ATP8A1: variants seen among roughly 807,000 people sequenced by gnomAD.
ATP8A1 encodes the protein phospholipid-transporting ATPase IA.
ATP8A1 carries 90 observed loss-of-function variants against 177.7 expected under a neutral mutation model. That is an observed-to-expected ratio of 0.51 (90% CI 0.43 to 0.60). The LOEUF (loss-of-function observed/expected upper bound fraction) is 0.60. Ranked by LOEUF, ATP8A1 falls within the 20% of genes least tolerant of loss-of-function variation. The pLI is 0.00. For missense variants in ATP8A1, 1,072 were observed against 1,392.8 expected (o/e 0.77, Z 3.67); for synonymous variants, 493 against 485.9 (o/e 1.01, Z -0.19).
intron 5 of ATP8A1, among the ~76,000 whole-genome samples, chr4:42,613,509 ATAG>A (rs1431544812): frequency 6.6e-6 from 1 of 152,238 alleles, no homozygotes; most frequent in Non-Finnish European, 1.5e-5. Context: ...TACAATTTAA[ATAG>A]TAAATATGTA....
At chr4:42,648,349 A>C (rs1219042908) in intron 1 of ATP8A1, among the ~76,000 whole-genome samples, 2 of 148,550 alleles carry the variant, frequency 1.3e-5, no homozygotes, top group African/African-American at 2.4e-5. Context: ...ACCAAAATAA[A>C]GAGAGGTGGC....
chr4:42,438,327 T>C (rs1043707175), intron 33 of ATP8A1, among the ~76,000 whole-genome samples: 1 of 152,216 alleles, frequency 6.6e-6, no homozygotes, highest in Non-Finnish European at 1.5e-5. Context: ...GAAAAGTGCC[T>C]CTAACAGTGA....
chr4:42,492,912 T>C (rs1722870355), intron 24 of ATP8A1, among the ~76,000 whole-genome samples: 2 of 152,118 alleles, frequency 1.3e-5, no homozygotes, highest in African/African-American at 4.8e-5. Flanking sequence ...TTCCCTTCCT[T>C]AGAAAGGAAA....
chr4:42,410,749 A>T lies in ATP8A1; in HGVS notation c.*2167T>A, dbSNP rs1712501000. 6.6e-6 allele frequency: 1 copy of T among 152,202 alleles called. No homozygotes were observed. The highest frequency in any genetic ancestry group is 1.5e-5 in the Non-Finnish European group (1 of 68,034). 9.4% of individuals were successfully genotyped at this position (152,202 alleles called of 1,614,324 possible). A position where few individuals can be genotyped will look rare whatever the true frequency, so the allele number is the denominator to read the frequency against. ...TTTAAGAGCTCCACAGAAACAATCC[A>T]CGTTTCAAGATTAAAATAAAACTTA... On this transcript the variant is annotated 3_prime_UTR_variant, in exon 37 of 37. Coordinates refer to ENST00000381668, the MANE Select transcript of ATP8A1 (RefSeq NM_006095.2).
rs1224939321 is a variant in ATP8A1, at chr4:42,455,264, C to G, written c.2817+33G>C. 8 of 1,610,706 alleles carry G rather than the reference C, an allele frequency of 5.0e-6. No individual in the cohort carries two copies. In the African/African-American group the frequency reaches 5.3e-5, roughly 11 times the overall value. On this transcript the variant is annotated intron_variant, in intron 29 of 36. Transcript: ENST00000381668. ...ATGAGGGCAGTAAACACAGACCCAC[C>G]AAACATGTCCCAGCCAGGGCACTGT...
chr4:42,594,373 A>G, intron 6 of ATP8A1: 1 of 1,486,840 alleles, frequency 6.7e-7, no homozygotes, highest in Non-Finnish European at 9.4e-7. Context: ...CTGAAAGAAA[A>G]CTGGGAATTG....
At chr4:42,563,802 A>T (rs1478220406) in intron 15 of ATP8A1, among the ~76,000 whole-genome samples, 1 of 152,214 alleles carries the variant, frequency 6.6e-6, no homozygotes, top group Non-Finnish European at 1.5e-5. Context: ...GAAATCAAGA[A>T]TTGAGGTTTG....
intron 7 of ATP8A1, among the ~76,000 whole-genome samples, chr4:42,589,797 C>T (rs1436923285): frequency 6.6e-6 from 1 of 151,494 alleles, no homozygotes; most frequent in Non-Finnish European, 1.5e-5. Flanking sequence ...AAAGAAAATA[C>T]TAAATGACAA....
chr4:42,650,258 A>G (rs1223559791), intron 1 of ATP8A1, among the ~76,000 whole-genome samples: 6 of 152,238 alleles, frequency 3.9e-5, no homozygotes, highest in Admixed American at 3.9e-4. Context: ...AATTACACTA[A>G]GTAAAATGAC....
At chr4:42,603,610 G>A (rs563567973) in intron 5 of ATP8A1, among the ~76,000 whole-genome samples, 19 of 152,118 alleles carry the variant, frequency 1.2e-4, no homozygotes, top group Admixed American at 8.5e-4. Context: ...ACAGAAAAAT[G>A]CCTTTGAAAC....
intron 1 of ATP8A1, among the ~76,000 whole-genome samples, chr4:42,641,499 T>C (rs1739990313): frequency 6.9e-6 from 1 of 144,258 alleles, no homozygotes; most frequent in Non-Finnish European, 1.6e-5. Flanking sequence ...TCCTTTTAAA[T>C]TTCTTTTTTT....
intron 22 of ATP8A1, among the ~76,000 whole-genome samples, chr4:42,521,558 T>C (rs930593091): frequency 6.6e-6 from 1 of 152,220 alleles, no homozygotes; most frequent in South Asian, 2.1e-4. Context: ...ATAGCCTTGG[T>C]TTCTTTATCT....
intron 6 of ATP8A1, 76 bp from the exon 7 acceptor site, chr4:42,590,960 CA>C (rs1249958224): frequency 1.6e-6 from 2 of 1,282,564 alleles, no homozygotes; most frequent in African/African-American, 1.5e-5. Context: ...AACAAATGGA[CA>C]AAAGAGACAG....
chr4:42,523,211 G>C lies in ATP8A1; in HGVS notation c.1808-912C>G, dbSNP rs560817537. ...CCTGTGTCTGGTGCCTGCCAATTTC[G>C]TAACTCACATCTCTCTCAGCCAGAA... On this transcript the variant is annotated intron_variant, in intron 21 of 36. Transcript: ENST00000381668. Among the ~76,000 whole-genome samples the C allele has an allele frequency of 2.6e-5, 4 of 152,268 alleles. No homozygotes were observed. The East Asian group carries it at 7.7e-4, about 29-fold the overall frequency.
intron 1 of ATP8A1, among the ~76,000 whole-genome samples, chr4:42,642,744 T>C (rs1057391660): frequency 1.3e-4 from 20 of 152,114 alleles, no homozygotes; most frequent in Non-Finnish European, 1.5e-5. Flanking sequence ...TAATGCAACA[T>C]TTTACCTCAA....
intron 35 of ATP8A1, among the ~76,000 whole-genome samples, chr4:42,420,629 C>T (rs948899274): frequency 6.6e-6 from 1 of 152,106 alleles, no homozygotes; most frequent in African/African-American, 2.4e-5. Flanking sequence ...CTAAGTATCA[C>T]GTGGAAGGGC....
intron 11 of ATP8A1, among the ~76,000 whole-genome samples, chr4:42,579,361 T>C (rs1732786629): frequency 1.0e-5 from 1 of 100,104 alleles, no homozygotes; most frequent in Non-Finnish European, 2.3e-5. Flanking sequence ...ATATTTTATT[T>C]AAGATAAAAT....
rs185576115 is a variant in ATP8A1, at chr4:42,472,875, T to C, written c.2325-7799A>G. 2.4e-3 allele frequency among the ~76,000 whole-genome samples: 369 copies of C among 151,182 alleles called. 1 individual carries two copies. The highest frequency in any genetic ancestry group is 8.4e-3 in the African/African-American group (346 of 41,162). Reference sequence around the variant, plus strand: ...TGAATATGATCTAGGAAAAGGACAATGAAAATGAAAATAAAAACACAGAGG... The same window carrying C: ...TGAATATGATCTAGGAAAAGGACAACGAAAATGAAAATAAAAACACAGAGG... On this transcript the variant is annotated intron_variant, in intron 25 of 36. Transcript: ENST00000381668.
chr4:42,425,361 G>A (rs1403861832), intron 33 of ATP8A1, among the ~76,000 whole-genome samples: 1 of 152,160 alleles, frequency 6.6e-6, no homozygotes, highest in Non-Finnish European at 1.5e-5. Flanking sequence ...GAATGGAGGA[G>A]TGACTGGCGC....
Sources: allele counts gnomAD v4.1 joint callset (sites outside exome capture counted in the v4.1 genomes callset), GRCh38; gene constraint gnomAD v4.1.1; transcripts MANE v1.5; gene names NCBI Gene and HGNC (gene_info 2026-07-23, HGNC 2026-07-21).